Variants in AK8 observed in about 807,000 individuals in gnomAD.
AK8 encodes ATP-AMP transphosphorylase 8.
Under a neutral mutation model 54.6 loss-of-function variants are expected in AK8, and 44 were observed. The observed-to-expected ratio is 0.81, with a 90% CI of 0.63 to 1.04. The LOEUF (loss-of-function observed/expected upper bound fraction) is 1.04. AK8 is among the 50% of genes least tolerant of loss of function. The probability of loss-of-function intolerance (pLI) is 0.00; values close to 1 mark genes in which losing one functional copy is unlikely to be tolerated. For missense variants in AK8, 555 were observed against 613.6 expected (o/e 0.90, Z 1.01); for synonymous variants, 239 against 245.6 (o/e 0.97, Z 0.25).
chr9:132,844,464 A>C (rs1435299525), intron 5 of AK8, among the ~76,000 whole-genome samples: 1 of 152,196 alleles, frequency 6.6e-6, no homozygotes, highest in Admixed American at 6.5e-5. Flanking sequence ...AATAATAATA[A>C]TTACCATATA....
intron 4 of AK8, among the ~76,000 whole-genome samples, chr9:132,857,512 TC>T (rs1843219150): frequency 6.6e-6 from 1 of 151,874 alleles, no homozygotes. Flanking sequence ...TCCCTCTGCA[TC>T]CCCCCTCCGT....
chr9:132,863,695 G>C lies in AK8; in HGVS notation c.303C>G (p.Thr101=). 1 of 1,613,872 alleles carries C rather than the reference G, an allele frequency of 6.2e-7. No individual in the cohort carries two copies. ...LILNEFSYTA[T]EARRLYLQRK... is the part of the protein sequence containing the mutation. ...TTTGCAGATAAAGCCTTCTGGCTTC[G>C]GTGGCCGTATAGGAAAACTCATTTA... Residue 101 remains threonine, a synonymous_variant, in exon 4 of 13, where the codon ACC becomes ACG. Coordinates refer to ENST00000298545, the MANE Select transcript of AK8 (RefSeq NM_152572.3).
At chr9:132,798,190 G>A (rs552440523) in intron 10 of AK8, among the ~76,000 whole-genome samples, 2 of 152,150 alleles carry the variant, frequency 1.3e-5, no homozygotes, top group Admixed American at 1.3e-4. Context: ...GTGGCAGCAC[G>A]CAGGGTTGAG....
rs111277671 is a variant in AK8 at position 132,744,158 on chromosome 9, C to T, written c.1122-16624G>A. 5.2e-3 allele frequency among the ~76,000 whole-genome samples: 795 copies of T among 152,256 alleles called. 6 individuals are homozygous for T. Among genetic ancestry groups the T allele is most frequent in the African/African-American group, 0.018 (742 of 41,552 alleles). ...GGCTCACACCCTCCAGTGTGCCTCACTAAGGACACAGGGCACAGCTGCCTC... is the reference window on the plus strand; with the variant it reads ...GGCTCACACCCTCCAGTGTGCCTCATTAAGGACACAGGGCACAGCTGCCTC... On this transcript the variant is annotated intron_variant, in intron 11 of 12. Transcript: ENST00000298545.
Position 132,826,751 on chromosome 9 carries a change from C to T in AK8, c.757+103G>A. Reference sequence around the variant, plus strand: ...TGACTTCCAGGGTCCCAGGCATGTCCCAGACACTGGCCACTACCAGAATAA... The same window carrying T: ...TGACTTCCAGGGTCCCAGGCATGTCTCAGACACTGGCCACTACCAGAATAA... On this transcript the variant is annotated intron_variant, in intron 8 of 12. Coordinates refer to ENST00000298545, the MANE Select transcript of AK8 (RefSeq NM_152572.3). The surrounding 1 kb of genome is among the most constrained non-coding windows in gnomAD (Gnocchi z 4.5). The T allele has an allele frequency of 8.9e-6, 12 of 1,348,236 alleles. No homozygotes were observed. In the South Asian group the frequency reaches 1.2e-4, roughly 13 times the overall value. The allele number at this position is 1,348,236 out of a possible 1,614,324, so 83.5% of individuals were successfully genotyped here.
intron 4 of AK8, among the ~76,000 whole-genome samples, chr9:132,858,447 G>T (rs1843261420): frequency 6.6e-6 from 1 of 152,210 alleles, no homozygotes; most frequent in African/African-American, 2.4e-5. Context: ...CCACTCTCAG[G>T]GATCCTAATG....
chr9:132,869,801 G>T (rs1588239341), intron 2 of AK8, among the ~76,000 whole-genome samples: 1 of 152,330 alleles, frequency 6.6e-6, no homozygotes, highest in African/African-American at 2.4e-5. Context: ...TGGGAGGTTT[G>T]TGGGGAGGAG....
intron 5 of AK8, among the ~76,000 whole-genome samples, chr9:132,846,617 C>A (rs893618963): frequency 1.3e-5 from 2 of 152,184 alleles, no homozygotes; most frequent in African/African-American, 4.8e-5. Context: ...GGCTTTTGGT[C>A]ACGACTCTAG....
intron 10 of AK8, among the ~76,000 whole-genome samples, chr9:132,812,159 A>T (rs560560234): frequency 1.0e-5 from 1 of 96,714 alleles, no homozygotes; most frequent in South Asian, 3.4e-4. Context: ...GAATTTGGAG[A>T]GAAATGGAGA....
chr9:132,729,136 C>T (rs1836708904), intron 11 of AK8, among the ~76,000 whole-genome samples: 1 of 152,198 alleles, frequency 6.6e-6, no homozygotes, highest in African/African-American at 2.4e-5. Flanking sequence ...CTGCCCCCTT[C>T]AGCCTCTCAA....
chr9:132,807,366 C>T (rs1840774609), intron 10 of AK8, among the ~76,000 whole-genome samples: 1 of 152,228 alleles, frequency 6.6e-6, no homozygotes, highest in South Asian at 2.1e-4. Flanking sequence ...CCTGACCATG[C>T]AGTTCCAGCA....
intron 2 of AK8, among the ~76,000 whole-genome samples, chr9:132,873,346 G>A (rs73550652): frequency 1.3e-3 from 197 of 152,238 alleles, no homozygotes; most frequent in African/African-American, 3.3e-3. Flanking sequence ...TTTCACAAAC[G>A]AGGAAAGTGA....
At chr9:132,778,802 C>G (rs542374993) in intron 11 of AK8, among the ~76,000 whole-genome samples, 1 of 151,736 alleles carries the variant, frequency 6.6e-6, no homozygotes, top group Non-Finnish European at 1.5e-5. Flanking sequence ...CCACATTTAG[C>G]AGAATAATTT....
At chr9:132,780,675 A>T (rs1200130555) in intron 11 of AK8, among the ~76,000 whole-genome samples, 1 of 152,206 alleles carries the variant, frequency 6.6e-6, no homozygotes, top group Non-Finnish European at 1.5e-5. Context: ...TTTGCACAAA[A>T]TGACCTGGCA....
chr9:132,840,304 G>A (rs553882825), intron 5 of AK8, among the ~76,000 whole-genome samples: 10 of 152,142 alleles, frequency 6.6e-5, no homozygotes, highest in South Asian at 2.1e-4. Context: ...GGAGTGAACC[G>A]AGCATCTCAC....
At position 132,737,580 on chromosome 9, in the gene AK8, AG is replaced by A. The variant is rs1161266124; in HGVS notation, c.1122-10047del. On this transcript the variant is annotated intron_variant, in intron 11 of 12. Coordinates refer to ENST00000298545, the MANE Select transcript of AK8 (RefSeq NM_152572.3). ...TGTGAATGGAAAGCTAACATTCAAA[AG>A]TCAATCAATAAGTAATTGACTGTAT... 3.3e-5 allele frequency among the ~76,000 whole-genome samples: 5 copies of A among 152,346 alleles called. No homozygotes were observed. The South Asian group carries it at 6.2e-4, about 19-fold the overall frequency.
intron 11 of AK8, among the ~76,000 whole-genome samples, chr9:132,733,774 G>C (rs1836974117): frequency 6.6e-6 from 1 of 152,230 alleles, no homozygotes; most frequent in African/African-American, 2.4e-5. Context: ...ACAGAGCCAG[G>C]AAAGGGAGAA....
In AK8 at chr9:132,805,098, C is replaced by T. The variant is rs148008071; in HGVS notation, c.979+9540G>A. ...GACCTCCCGACTGGAGAAGAAGGCCCGGGGCCTCCAGGGTCAGGCCTGTCA... is the reference window on the plus strand; with the variant it reads ...GACCTCCCGACTGGAGAAGAAGGCCTGGGGCCTCCAGGGTCAGGCCTGTCA... On this transcript the variant is annotated intron_variant, in intron 10 of 12. Coordinates refer to ENST00000298545, the MANE Select transcript of AK8 (RefSeq NM_152572.3). 2.3e-3 allele frequency among the ~76,000 whole-genome samples: 346 copies of T among 152,288 alleles called. 4 individuals carry two copies. The highest frequency in any genetic ancestry group is 3.2e-3 in the Non-Finnish European group (215 of 68,018).
At chr9:132,726,651 A>T (rs952536129) in intron 12 of AK8, among the ~76,000 whole-genome samples, 1 of 152,308 alleles carries the variant, frequency 6.6e-6, no homozygotes, top group Admixed American at 6.5e-5. Context: ...TGCCATGGTA[A>T]GCAGGACAGG....
Sources: allele counts gnomAD v4.1 joint callset (sites outside exome capture counted in the v4.1 genomes callset), GRCh38; gene constraint gnomAD v4.1.1; non-coding constraint Gnocchi (gnomAD v3.1); transcripts MANE v1.5; gene names NCBI Gene and HGNC (gene_info 2026-07-23, HGNC 2026-07-21).